Variants in MAN1A1 observed in about 807,000 individuals in gnomAD.
MAN1A1 encodes the protein mannosyl-oligosaccharide 1,2-alpha-mannosidase IA.
In MAN1A1, 29 loss-of-function variants were observed where a neutral mutation model predicts 70.8. The ratio of observed to expected loss-of-function variants is 0.41; its 90% confidence interval spans 0.31 to 0.56. The LOEUF (loss-of-function observed/expected upper bound fraction) is 0.56. Among genes scored for constraint, MAN1A1 ranks in the 20% least tolerant of loss-of-function variants. The pLI is 0.29. For synonymous variants in MAN1A1, 349 were observed against 330.1 expected (o/e 1.06, Z -0.62); for missense variants, 747 against 841.3 (o/e 0.89, Z 1.39).
At chr6:119,236,707 CAAA>C (rs34748730) in intron 6 of MAN1A1, among the ~76,000 whole-genome samples, 3,816 of 96,646 alleles carry the variant, frequency 0.039, 61 homozygotes, top group Non-Finnish European at 0.062. Flanking sequence ...GACTTTGTCT[CAAA>C]AAAAAAAAAA....
rs773006726 is a variant in MAN1A1, at chr6:119,204,889, A to G, written c.993-7T>C. 1.4e-5 allele frequency: 22 copies of G among 1,613,390 alleles called. No homozygotes were observed. In the African/African-American group the frequency reaches 2.7e-4, roughly 20 times the overall value. The stretch of plus-strand genomic sequence containing the variant: ...CCAGTTCCTTCCAATACCACTAAAG[A>G]AGAGATGACGTCGAAGAGTTATGGG... On this transcript the variant is annotated splice_polypyrimidine_tract_variant and splice_region_variant and intron_variant, in intron 6 of 12. Transcript: ENST00000368468.
intron 6 of MAN1A1, among the ~76,000 whole-genome samples, chr6:119,233,252 A>G (rs1245499602): frequency 6.6e-6 from 1 of 152,190 alleles, no homozygotes; most frequent in Admixed American, 6.5e-5. Flanking sequence ...TCACATGAAA[A>G]CCACCTAAGA....
At chr6:119,267,769 A>G (rs1001586928) in intron 5 of MAN1A1, among the ~76,000 whole-genome samples, 2 of 152,212 alleles carry the variant, frequency 1.3e-5, no homozygotes, top group African/African-American at 4.8e-5. Flanking sequence ...ACATCATTAG[A>G]CACTATAGAC....
intron 5 of MAN1A1, among the ~76,000 whole-genome samples, chr6:119,275,244 G>C (rs1294813815): frequency 5.2e-5 from 7 of 133,758 alleles, no homozygotes; most frequent in African/African-American, 1.9e-4. Flanking sequence ...CTGAGTAGCT[G>C]GGATTGCAGG....
At chr6:119,222,155 A>G (rs1774380132) in intron 6 of MAN1A1, among the ~76,000 whole-genome samples, 1 of 152,164 alleles carries the variant, frequency 6.6e-6, no homozygotes, top group Non-Finnish European at 1.5e-5. Flanking sequence ...GTGAAGAGCC[A>G]TATTTTCCAG....
At chr6:119,335,837 G>A (rs1773436703) in intron 2 of MAN1A1, among the ~76,000 whole-genome samples, 1 of 152,182 alleles carries the variant, frequency 6.6e-6, no homozygotes, top group Non-Finnish European at 1.5e-5. Context: ...AGTCCTTCCT[G>A]GGAAGTAACA....
At chr6:119,261,065 G>A (rs1198545027) in intron 5 of MAN1A1, among the ~76,000 whole-genome samples, 4 of 136,788 alleles carry the variant, frequency 2.9e-5, no homozygotes, top group African/African-American at 5.5e-5. Context: ...TGCAAGCTCC[G>A]CCTCCCAGGT....
At chr6:119,328,674 A>C (rs763672806) in intron 2 of MAN1A1, among the ~76,000 whole-genome samples, 29 of 152,204 alleles carry the variant, frequency 1.9e-4, no homozygotes, top group Non-Finnish European at 3.2e-4. Flanking sequence ...TATTTTGTAA[A>C]TTTGGAATCA....
At chr6:119,285,027 TG>T (rs1017147802) in intron 5 of MAN1A1, among the ~76,000 whole-genome samples, 22 of 148,464 alleles carry the variant, frequency 1.5e-4, no homozygotes, top group African/African-American at 5.5e-4. Flanking sequence ...CTGCTTCTGG[TG>T]GGGCCCTCAG....
At position 119,333,736 on chromosome 6, in the gene MAN1A1, TAATA is replaced by T. The variant is rs1229602267; in HGVS notation, c.603+14723_603+14726del. On this transcript the variant is annotated intron_variant, in intron 2 of 12. Coordinates refer to ENST00000368468, the MANE Select transcript of MAN1A1 (RefSeq NM_005907.4). ...AATACATAAATTCAGACTAGTTTTCTAATAAATAATCTACTCCTGGTTAACTCAG... is the reference window on the plus strand; with the variant it reads ...AATACATAAATTCAGACTAGTTTTCTAATAATCTACTCCTGGTTAACTCAG... 2.0e-5 allele frequency among the ~76,000 whole-genome samples: 3 copies of T among 152,380 alleles called. No individual in the cohort carries two copies. The East Asian group carries it at 5.8e-4, about 29-fold the overall frequency.
chr6:119,341,961 TA>T (rs1773605606), intron 2 of MAN1A1, among the ~76,000 whole-genome samples: 2 of 152,034 alleles, frequency 1.3e-5, no homozygotes, highest in Admixed American at 1.3e-4. Flanking sequence ...ATTGTGTAAA[TA>T]AAAAAATTAT....
chr6:119,187,656 TGA>T (rs755861060), intron 11 of MAN1A1, among the ~76,000 whole-genome samples: 1 of 152,236 alleles, frequency 6.6e-6, no homozygotes, highest in Non-Finnish European at 1.5e-5. Flanking sequence ...TGCTAGAGAA[TGA>T]GAGTGTAATT....
intron 2 of MAN1A1, among the ~76,000 whole-genome samples, chr6:119,325,896 T>C (rs1051018376): frequency 1.3e-5 from 2 of 152,242 alleles, no homozygotes; most frequent in Admixed American, 6.5e-5. Context: ...ACAAAGGAAC[T>C]ACTGTATGAC....
intron 6 of MAN1A1, among the ~76,000 whole-genome samples, chr6:119,216,137 G>A (rs1367155754): frequency 6.6e-6 from 1 of 152,152 alleles, no homozygotes; most frequent in African/African-American, 2.4e-5. Context: ...ATTACACAGG[G>A]ACACTAGGCC....
Position 119,189,716 on chromosome 6 carries a change from AAGG to A in MAN1A1, c.1491_1493del (p.Leu498del). 1 of 1,614,042 alleles carries A rather than the reference AAGG, an allele frequency of 6.2e-7. No homozygotes were observed. The highest frequency in any genetic ancestry group is 8.5e-7 in the Non-Finnish European group (1 of 1,180,004). On this transcript the variant is annotated inframe_deletion, in exon 10 of 13. Coordinates refer to ENST00000368468, the MANE Select transcript of MAN1A1 (RefSeq NM_005907.4). ...TACGGGCAATTTCAGCCCCGAGTTC[AAGG>A]TAGTGTTGGGCCATGCCTTCGGGAG...
intron 6 of MAN1A1, 151 bp downstream of exon 6, chr6:119,248,109 G>C: frequency 1.7e-6 from 1 of 592,358 alleles, no homozygotes. Flanking sequence ...AAAGCTAATA[G>C]CTGCCAACAA....
At chr6:119,297,647 C>T (rs1169952016) in intron 4 of MAN1A1, among the ~76,000 whole-genome samples, 1 of 151,202 alleles carries the variant, frequency 6.6e-6, no homozygotes, top group African/African-American at 2.4e-5. Context: ...ACTCTGTATG[C>T]TTGTCACAAA....
rs1209078798 is a variant in MAN1A1, at chr6:119,248,295, G to C, written c.957C>G (p.Pro319=). 1.2e-6 allele frequency: 2 copies of C among 1,613,188 alleles called. No individual in the cohort carries two copies. Among genetic ancestry groups the C allele is most frequent in the Non-Finnish European group, 1.7e-6 (2 of 1,179,336 alleles). ...TCAGCAATGCCCAAGGTATTCCAGA[G>C]GGAGTATGAAATGCAGGTAGCAATT... ...GVKLLPAFHT[P]SGIPWALLNM... The change falls in exon 6 of 13, where the codon CCC becomes CCG. Residue 319 remains proline, a synonymous_variant. Transcript: ENST00000368468.
chr6:119,193,414 G>T (rs1773491181), intron 9 of MAN1A1, among the ~76,000 whole-genome samples: 2 of 152,170 alleles, frequency 1.3e-5, no homozygotes, highest in African/African-American at 4.8e-5. Flanking sequence ...CATTGGGACT[G>T]TCTGTCTTCT....
Sources: allele counts gnomAD v4.1 joint callset (sites outside exome capture counted in the v4.1 genomes callset), GRCh38; gene constraint gnomAD v4.1.1; transcripts MANE v1.5; gene names NCBI Gene and HGNC (gene_info 2026-07-23, HGNC 2026-07-21).